Variants in SCN7A observed in about 807,000 individuals in gnomAD.
The protein encoded by SCN7A is sodium channel protein type 7 subunit alpha.
A neutral mutation model predicts 155.2 loss-of-function variants in SCN7A; 138 were observed. The ratio of observed to expected loss-of-function variants is 0.89; its 90% CI spans 0.77 to 1.02. The LOEUF (loss-of-function observed/expected upper bound fraction) is 1.02. Among genes scored for constraint, SCN7A ranks in the 50% least tolerant of loss-of-function variants. SCN7A has a pLI of 0.00. For missense variants in SCN7A, 2,058 were observed against 1,986.6 expected (o/e 1.04, Z -0.68); for synonymous variants, 693 against 649.0 (o/e 1.07, Z -1.03).
Position 166,406,174 on chromosome 2 carries a change from C to G in SCN7A, c.4455G>C (p.Leu1485=). The change falls in exon 26 of 26, where the codon CTG becomes CTC. Residue 1485 remains leucine, a synonymous_variant. Transcript: ENST00000643258. ...CAACAATGTACATATTTACAATGAT[C>G]AGCCATGATATGAGGATATAACTGA... ...YFVSYILISW[L]IIVNMYIVVV... 1.2e-6 allele frequency: 2 copies of G among 1,612,380 alleles called. No homozygotes were observed. Among genetic ancestry groups the G allele is most frequent in the Non-Finnish European group, 1.7e-6 (2 of 1,179,062 alleles).
chr2:166,410,390 G>T (rs1330847204), intron 23 of SCN7A, 66 bp from the exon 24 acceptor site: 2 of 1,029,802 alleles, frequency 1.9e-6, no homozygotes, highest in Non-Finnish European at 2.8e-6. Flanking sequence ...ATGTTAATAG[G>T]CATTTTAAAG....
intron 21 of SCN7A, among the ~76,000 whole-genome samples, chr2:166,416,145 T>A (rs1007070179): frequency 2.0e-5 from 3 of 152,114 alleles, no homozygotes; most frequent in African/African-American, 7.2e-5. Context: ...ATTGGGAAAC[T>A]CCATCCTGGT....
chr2:166,426,017 A>G (rs992681019), intron 18 of SCN7A, among the ~76,000 whole-genome samples: 2 of 152,096 alleles, frequency 1.3e-5, no homozygotes, highest in Non-Finnish European at 2.9e-5. Context: ...TATATTGATG[A>G]TATCATGTTA....
At chr2:166,480,284 C>T (rs904102362) in intron 2 of SCN7A, among the ~76,000 whole-genome samples, 1 of 151,938 alleles carries the variant, frequency 6.6e-6, no homozygotes, top group African/African-American at 2.4e-5. Flanking sequence ...GGTGAAACCC[C>T]GTCTCTGCTA....
chr2:166,461,163 T>C (rs927332944), intron 10 of SCN7A, among the ~76,000 whole-genome samples: 1 of 151,262 alleles, frequency 6.6e-6, no homozygotes. Context: ...GCCCCAAATA[T>C]ATTATATTAG....
rs375208870 is a variant in SCN7A at position 166,439,055 on chromosome 2, G to GTGTGTATATATATATATATA, written c.2157+2340_2157+2341insTATATATATATATATACACA. On this transcript the variant is annotated intron_variant, in intron 15 of 25. Transcript: ENST00000643258. The stretch of plus-strand genomic sequence containing the variant: ...CACATACATATATGTGTGTGTGTGT[G>GTGTGTATATATATATATATA]TATATATATATATATATATATATAG... Among the ~76,000 whole-genome samples, 753 of 113,256 alleles carry GTGTGTATATATATATATATA rather than the reference G, an allele frequency of 6.6e-3. 6 individuals are homozygous for GTGTGTATATATATATATATA. The highest frequency in any genetic ancestry group is 0.012 in the African/African-American group (324 of 26,548). 74.3% of individuals were successfully genotyped at this position (113,256 alleles called of 152,430 possible). A position where few individuals can be genotyped will look rare whatever the true frequency, so the allele number is the denominator to read the frequency against.
At chr2:166,464,936 AT>A (rs1291751659) in intron 9 of SCN7A, among the ~76,000 whole-genome samples, 1 of 152,176 alleles carries the variant, frequency 6.6e-6, no homozygotes, top group African/African-American at 2.4e-5. Flanking sequence ...TTTTAATAAA[AT>A]TGGATGAATA....
chr2:166,407,792 T>C (rs1000955883), intron 25 of SCN7A, among the ~76,000 whole-genome samples: 1 of 151,860 alleles, frequency 6.6e-6, no homozygotes, highest in Non-Finnish European at 1.5e-5. Flanking sequence ...GTGCAGAACA[T>C]GCAGGTTTGT....
chr2:166,467,245 T>C (rs1258388696), intron 7 of SCN7A, among the ~76,000 whole-genome samples: 1 of 151,900 alleles, frequency 6.6e-6, no homozygotes, highest in Non-Finnish European at 1.5e-5. Context: ...TTTGAAATAT[T>C]GTTGGCAGTT....
chr2:166,473,637 G>C (rs912476661), intron 5 of SCN7A, among the ~76,000 whole-genome samples, 162 bp downstream of exon 5: 2 of 150,844 alleles, frequency 1.3e-5, no homozygotes, highest in African/African-American at 4.8e-5. Flanking sequence ...AAAGAAAATA[G>C]ATGTGAAGCA....
chr2:166,413,250 T>C, intron 21 of SCN7A, 129 bp from the exon 22 acceptor site: 1 of 445,490 alleles, frequency 2.2e-6, no homozygotes, highest in Non-Finnish European at 4.1e-6. Context: ...GTAATTGGGA[T>C]CCTTAACATT....
chr2:166,445,846 C>T (rs1433318449), intron 12 of SCN7A, among the ~76,000 whole-genome samples: 2 of 152,016 alleles, frequency 1.3e-5, no homozygotes, highest in Non-Finnish European at 2.9e-5. Context: ...AGAAACTGGA[C>T]CCCATCCTTC....
Position 166,474,265 on chromosome 2 carries a change from T to C in SCN7A, c.314A>G (p.Asn105Ser), listed in dbSNP as rs1702728347. The C allele has an allele frequency of 1.3e-6, 2 of 1,523,092 alleles. No homozygotes were observed. The highest frequency in any genetic ancestry group is 1.2e-5 in the South Asian group (1 of 80,312). 94.3% of individuals were successfully genotyped at this position (1,523,092 alleles called of 1,614,324 possible). ...CTTGATAGTTGTTCTTCTAATACAA[T>C]TGAAAGGAGACAATGTACACAAGAT... is the stretch of plus-strand genomic sequence containing the variant. ...ASILCTLSPF[N>S]CIRRTTIKVL... The change falls in exon 4 of 26, where the codon AAT (asparagine) becomes AGT (serine). Residue 105 changes from asparagine to serine, a missense_variant. Transcript: ENST00000643258.
chr2:166,434,917 G>C (rs1371990256), intron 15 of SCN7A, among the ~76,000 whole-genome samples: 1 of 152,070 alleles, frequency 6.6e-6, no homozygotes, highest in East Asian at 1.9e-4. Context: ...AAAAATAATT[G>C]ATTATAGAAA....
At chr2:166,411,415 A>T (rs6432912) in intron 23 of SCN7A, among the ~76,000 whole-genome samples, 98,495 of 151,604 alleles carry the variant, frequency 0.65, 32,163 homozygotes, top group African/African-American at 0.71. Context: ...AATCCTTATT[A>T]TAATTAATAA....
Position 166,427,773 on chromosome 2 carries a change from T to A in SCN7A, c.2853+15A>T. Reference sequence around the variant, plus strand: ...GTCCCCAGCAAAGTATCAAACACCCTGGCTGCCCACTTACCAGAGTGCCAG... The same window carrying A: ...GTCCCCAGCAAAGTATCAAACACCCAGGCTGCCCACTTACCAGAGTGCCAG... On this transcript the variant is annotated intron_variant, in intron 18 of 25. Transcript: ENST00000643258. 1 of 1,600,232 alleles carries A rather than the reference T, an allele frequency of 6.2e-7. No individual in the cohort carries two copies. Among genetic ancestry groups the A allele is most frequent in the Non-Finnish European group, 8.5e-7 (1 of 1,171,378 alleles).
intron 25 of SCN7A, 121 bp downstream of exon 25, chr2:166,409,543 TG>T: frequency 1.4e-6 from 1 of 710,522 alleles, no homozygotes; most frequent in Non-Finnish European, 2.2e-6. Context: ...CTACCTGTTT[TG>T]CTTATTAGGA....
Position 166,411,567 on chromosome 2 carries a change from T to C in SCN7A, c.3606+963A>G, listed in dbSNP as rs568850953. ...TATGCTGAGGTTGCTAAATCTATGG[T>C]ATGAATGAATCTTCTGTCCATGAAA... On this transcript the variant is annotated intron_variant, in intron 23 of 25. Transcript: ENST00000643258. Among the ~76,000 whole-genome samples the C allele has an allele frequency of 5.9e-5, 9 of 152,102 alleles. No homozygotes were observed. In the South Asian group the frequency reaches 1.5e-3, roughly 25 times the overall value.
chr2:166,410,323 A>G lies in SCN7A; in HGVS notation c.3608T>C (p.Leu1203Pro), dbSNP rs1302723382. ...CGTTATAAAGATATTTGAGCCTCCCAGGTAAAGAAAGGAAAGAAAAATATA... is the reference window on the plus strand; with the variant it reads ...CGTTATAAAGATATTTGAGCCTCCCGGGTAAAGAAAGGAAAGAAAAATATA... Reference protein sequence around the residue: ...IDNFNKHKIKLGGSNIFITVK... With the variant: ...IDNFNKHKIKPGGSNIFITVK... Residue 1203 changes from leucine (L) to proline (P), a missense_variant and splice_region_variant, in exon 24 of 26, where the codon CTG becomes CCG. By Grantham distance (98) the Leu-to-Pro change is moderately conservative. Transcript: ENST00000643258. 6.5e-6 allele frequency: 10 copies of G among 1,529,020 alleles called. No individual in the cohort carries two copies. The highest frequency in any genetic ancestry group is 3.4e-4 in the Middle Eastern group (2 of 5,870). 94.7% of individuals were successfully genotyped at this position (1,529,020 alleles called of 1,614,324 possible).
Sources: gnomAD v4.1 joint callset for allele counts (sites outside exome capture counted in the v4.1 genomes callset) on GRCh38, gnomAD v4.1.1 for gene constraint, MANE v1.5 for transcripts, NCBI Gene and HGNC (gene_info 2026-07-23, HGNC 2026-07-21) for gene names.